The following CAMTA1 variants were observed in gnomAD, a reference collection of about 807,000 sequenced individuals.
The protein encoded by CAMTA1 is calmodulin binding transcription activator 1.
A neutral mutation model predicts 170.9 loss-of-function variants in CAMTA1; 27 were observed. That is an observed-to-expected ratio of 0.16 (90% CI 0.12 to 0.22). CAMTA1 has a LOEUF of 0.22. Among genes scored for constraint, CAMTA1 ranks in the 10% least tolerant of loss-of-function variants. CAMTA1 has a pLI of 1.00. For missense variants in CAMTA1, 1,619 were observed against 2,217.2 expected (o/e 0.73, Z 5.42); for synonymous variants, 833 against 891.5 (o/e 0.93, Z 1.17).
chr1:7,467,987 G>T (rs1388163601), intron 6 of CAMTA1, 86 bp downstream of exon 6: 3 of 1,101,680 alleles, frequency 2.7e-6, no homozygotes, highest in Non-Finnish European at 2.7e-6. Flanking sequence ...GGCTCCGCAT[G>T]CGACACGGCT....
rs1256262158 is a variant in CAMTA1, at chr1:7,547,896, C to T, written c.510+79995C>T. On this transcript the variant is annotated intron_variant, in intron 6 of 22. Coordinates refer to ENST00000303635, the MANE Select transcript of CAMTA1 (RefSeq NM_015215.4). This position sits in a 1 kb window ranked among gnomAD's most constrained non-coding sequence, Gnocchi z 5.7. ...TCCACTGTGTGGACCCCCCACTCACCCGTCAATATGCCCTTATGCTGTTGT... is the reference window on the plus strand; with the variant it reads ...TCCACTGTGTGGACCCCCCACTCACTCGTCAATATGCCCTTATGCTGTTGT... Among the ~76,000 whole-genome samples, 3 of 152,100 alleles carry T rather than the reference C, an allele frequency of 2.0e-5. No individual in the cohort carries two copies. The highest frequency in any genetic ancestry group is 6.5e-5 in the Admixed American group (1 of 15,278).
rs1004874717 is a variant in CAMTA1 at position 7,767,691 on chromosome 1, T to C, written c.*1200T>C. ...TATTGTATATATTAAAACAGAGATA[T>C]GTGCATGAAATCAAGAAAAAAGAAA... On this transcript the variant is annotated 3_prime_UTR_variant, in exon 23 of 23. Transcript: ENST00000303635. The C allele has an allele frequency of 1.3e-5, 2 of 152,732 alleles. No individual in the cohort carries two copies. Among genetic ancestry groups the C allele is most frequent in the Non-Finnish European group, 2.9e-5 (2 of 68,032 alleles). The allele number at this position is 152,732 out of a possible 1,614,324, so 9.5% of individuals were successfully genotyped here.
chr1:7,411,529 C>CA (rs869078814), intron 5 of CAMTA1, among the ~76,000 whole-genome samples: 2 of 67,188 alleles, frequency 3.0e-5, no homozygotes, highest in South Asian at 7.8e-4. Context: ...GACTCTGCCT[C>CA]AAAAAAAAAA....
intron 3 of CAMTA1, among the ~76,000 whole-genome samples, chr1:6,941,600 G>A (rs138619410): frequency 2.2e-3 from 339 of 152,328 alleles, no homozygotes; most frequent in Admixed American, 5.0e-3. Context: ...GCAGGTTAGC[G>A]CCGTGGGCAA....
intron 3 of CAMTA1, among the ~76,000 whole-genome samples, chr1:7,011,618 C>T (rs1158493836): frequency 1.3e-5 from 2 of 152,222 alleles, no homozygotes; most frequent in Non-Finnish European, 2.9e-5. Flanking sequence ...CAAAAATCCC[C>T]GTCCCAGTTC....
intron 5 of CAMTA1, among the ~76,000 whole-genome samples, chr1:7,340,356 T>G (rs1418462878): frequency 6.6e-6 from 1 of 152,086 alleles, no homozygotes. Context: ...CGACTTATGC[T>G]TGTGTCCAGG....
intron 3 of CAMTA1, among the ~76,000 whole-genome samples, chr1:6,878,488 T>C (rs1670565691): frequency 6.6e-6 from 1 of 152,222 alleles, no homozygotes; most frequent in Non-Finnish European, 1.5e-5. Flanking sequence ...TGCCACGGTA[T>C]AGCAGTACAG....
chr1:6,935,400 T>A (rs1464641729), intron 3 of CAMTA1, among the ~76,000 whole-genome samples: 2 of 151,726 alleles, frequency 1.3e-5, no homozygotes, highest in African/African-American at 2.4e-5. Flanking sequence ...AAAAAAAAAA[T>A]GACGGATGAT....
chr1:7,749,942 C>T (rs1044721773), intron 19 of CAMTA1, among the ~76,000 whole-genome samples: 6 of 152,186 alleles, frequency 3.9e-5, no homozygotes, highest in Admixed American at 1.3e-4. Context: ...GTTCCTCTGT[C>T]GTCTGGGGAC....
intron 5 of CAMTA1, among the ~76,000 whole-genome samples, chr1:7,337,964 A>G (rs1466280401): frequency 6.8e-6 from 1 of 146,510 alleles, no homozygotes; most frequent in Non-Finnish European, 1.5e-5. Flanking sequence ...ATAAACATGT[A>G]TATATATATG....
intron 4 of CAMTA1, among the ~76,000 whole-genome samples, chr1:7,111,984 A>C (rs1407300539): frequency 6.6e-6 from 1 of 151,822 alleles, no homozygotes; most frequent in Non-Finnish European, 1.5e-5. Flanking sequence ...GGCTCTAGGA[A>C]GCAGCCTATG....
At chr1:7,403,211 A>G (rs7522012) in intron 5 of CAMTA1, among the ~76,000 whole-genome samples, 23,108 of 151,986 alleles carry the variant, frequency 0.15, 5,024 homozygotes, top group African/African-American at 0.49. Context: ...AAAATTAGCC[A>G]GGCGTGATGA....
At chr1:7,442,737 T>A (rs1295912230) in intron 5 of CAMTA1, among the ~76,000 whole-genome samples, 1 of 152,228 alleles carries the variant, frequency 6.6e-6, no homozygotes, top group Non-Finnish European at 1.5e-5. Context: ...ACTGGGTTGT[T>A]GTTAAGAGTA....
chr1:7,057,448 C>T (rs1452957553), intron 3 of CAMTA1, among the ~76,000 whole-genome samples: 3 of 152,190 alleles, frequency 2.0e-5, no homozygotes, highest in African/African-American at 4.8e-5. Context: ...TTGGCTGATT[C>T]TCAGGGCGGC....
chr1:7,637,092 C>G (rs2095717773), intron 6 of CAMTA1, among the ~76,000 whole-genome samples: 2 of 152,244 alleles, frequency 1.3e-5, no homozygotes, highest in South Asian at 4.1e-4. Context: ...CCTGAGATAG[C>G]AGCTTTTGGG....
intron 3 of CAMTA1, among the ~76,000 whole-genome samples, chr1:6,916,448 TC>T (rs34687358): frequency 0.22 from 33,732 of 152,000 alleles, 4,082 homozygotes; most frequent in Admixed American, 0.36. Flanking sequence ...CAGGCTGCTC[TC>T]CCCCAGCATT....
chr1:7,723,512 C>A (rs1017455703), intron 11 of CAMTA1, among the ~76,000 whole-genome samples: 1 of 152,168 alleles, frequency 6.6e-6, no homozygotes, highest in African/African-American at 2.4e-5. Flanking sequence ...CCCCCGTCTG[C>A]GAGGTGGAAC....
chr1:7,525,415 G>A (rs138021574), intron 6 of CAMTA1, among the ~76,000 whole-genome samples: 33 of 152,150 alleles, frequency 2.2e-4, no homozygotes, highest in Non-Finnish European at 2.5e-4. Flanking sequence ...CTCCACATCC[G>A]CAGGATGGTA....
intron 5 of CAMTA1, among the ~76,000 whole-genome samples, chr1:7,318,322 G>C (rs765865806): frequency 8.5e-5 from 13 of 152,188 alleles, no homozygotes; most frequent in African/African-American, 1.2e-4. Flanking sequence ...TGGTGGACTT[G>C]GTCAGTGACT....
Sources: gnomAD v4.1 joint callset for allele counts (sites outside exome capture counted in the v4.1 genomes callset) on GRCh38, gnomAD v4.1.1 for gene constraint, Gnocchi (gnomAD v3.1) non-coding constraint, MANE v1.5 for transcripts, NCBI Gene and HGNC (gene_info 2026-07-23, HGNC 2026-07-21) for gene names.